The following SOX6 variants were observed in gnomAD, a reference collection of about 807,000 sequenced individuals.
SOX6 encodes the protein transcription factor SOX-6.
SOX6 carries 11 observed loss-of-function variants against 97.8 expected under a neutral mutation model. The observed-to-expected ratio is 0.11, with a 90% CI of 0.07 to 0.19. The LOEUF (loss-of-function observed/expected upper bound fraction) is 0.19. SOX6 is among the 10% of genes least tolerant of loss of function. SOX6 has a pLI of 1.00. For missense variants in SOX6, 810 were observed against 1,039.5 expected (o/e 0.78, Z 3.04); for synonymous variants, 360 against 371.4 (o/e 0.97, Z 0.35).
Position 16,033,302 on chromosome 11 carries a change from C to A in SOX6, c.1623+13212G>T, listed in dbSNP as rs180804842. Among the ~76,000 whole-genome samples the A allele has an allele frequency of 3.4e-3, 515 of 152,300 alleles. 4 individuals carry two copies. The highest frequency in any genetic ancestry group is 5.4e-3 in the Non-Finnish European group (367 of 68,026). ...CCACAACCTTATACAGTATGTTCAT[C>A]ATTTCCACCTCCCAAGTGAGTAAAC... On this transcript the variant is annotated intron_variant, in intron 12 of 15. Coordinates refer to ENST00000683767, the MANE Select transcript of SOX6 (RefSeq NM_001367873.1).
chr11:16,527,618 G>C (rs1422597589), intron 4 of SOX6, among the ~76,000 whole-genome samples: 1 of 152,054 alleles, frequency 6.6e-6, no homozygotes, highest in Non-Finnish European at 1.5e-5. Flanking sequence ...CATATAACCT[G>C]GCTAACAGAA....
At chr11:16,200,687 A>G (rs957542408) in intron 4 of SOX6, among the ~76,000 whole-genome samples, 3 of 152,148 alleles carry the variant, frequency 2.0e-5, no homozygotes, top group African/African-American at 7.2e-5. Context: ...CTACTTGATC[A>G]CCTTTTTGGC....
intron 4 of SOX6, among the ~76,000 whole-genome samples, chr11:16,515,372 T>A (rs200182538): frequency 1.1e-4 from 16 of 145,302 alleles, no homozygotes; most frequent in East Asian, 4.0e-4. Flanking sequence ...TTCATGTCCT[T>A]TGCCCACTTT....
intron 6 of SOX6, among the ~76,000 whole-genome samples, chr11:16,170,364 T>TA (rs879502500): frequency 0.012 from 1,785 of 143,656 alleles, 25 homozygotes; most frequent in African/African-American, 0.03. Flanking sequence ...TACTTAGTCT[T>TA]AAAAAAAAAA....
At chr11:16,413,512 C>CTTTTTTTTT (rs752774148) in intron 1 of SOX6, among the ~76,000 whole-genome samples, 1 of 76,226 alleles carries the variant, frequency 1.3e-5, no homozygotes, top group Admixed American at 1.6e-4. Flanking sequence ...AAGACTTCTA[C>CTTTTTTTTT]TTTTTTTTTT....
chr11:16,737,496 G>A (rs1029879370), intron 1 of SOX6, among the ~76,000 whole-genome samples: 1 of 150,942 alleles, frequency 6.6e-6, no homozygotes, highest in East Asian at 1.9e-4. Flanking sequence ...CTGAGCCATG[G>A]CGCCAGGCCT....
chr11:16,406,022 C>T (rs959966), intron 1 of SOX6, among the ~76,000 whole-genome samples: 151,410 of 152,128 alleles, frequency 1, 75,353 homozygotes, highest in Middle Eastern at 1. Context: ...ATTTTCTGCT[C>T]TATCTTTCTT....
At chr11:16,197,053 T>C (rs1056718932) in intron 4 of SOX6, among the ~76,000 whole-genome samples, 7 of 151,990 alleles carry the variant, frequency 4.6e-5, no homozygotes, top group Admixed American at 1.3e-4. Flanking sequence ...AGGCTGGTCT[T>C]GAACTCCTGA....
intron 3 of SOX6, among the ~76,000 whole-genome samples, chr11:16,632,148 G>C (rs943896557): frequency 1.3e-5 from 2 of 152,170 alleles, no homozygotes; most frequent in Non-Finnish European, 2.9e-5. Context: ...ATTACATTCA[G>C]ATTTTTCATG....
chr11:16,306,511 T>G (rs1053520432), intron 3 of SOX6, among the ~76,000 whole-genome samples: 12 of 152,030 alleles, frequency 7.9e-5, no homozygotes, highest in Non-Finnish European at 1.6e-4. Context: ...GGATAATGAC[T>G]AAGCTTGAAG....
intron 3 of SOX6, among the ~76,000 whole-genome samples, chr11:16,298,770 C>T (rs1217414979): frequency 6.6e-6 from 1 of 151,804 alleles, no homozygotes; most frequent in East Asian, 1.9e-4. Context: ...TCTTATTATT[C>T]GTTTTGGCAT....
intron 6 of SOX6, among the ~76,000 whole-genome samples, chr11:16,117,248 G>C (rs1205700537): frequency 6.6e-6 from 1 of 152,264 alleles, no homozygotes; most frequent in East Asian, 1.9e-4. Flanking sequence ...AGCTGCTCGG[G>C]AGGCTGAGGC....
intron 9 of SOX6, among the ~76,000 whole-genome samples, chr11:16,065,019 C>G (rs1004193125): frequency 1.3e-5 from 2 of 151,700 alleles, no homozygotes; most frequent in South Asian, 4.2e-4. Flanking sequence ...CTAGCTAGAG[C>G]AATCAGACAA....
At chr11:16,231,331 T>C (rs2134171355) in intron 4 of SOX6, among the ~76,000 whole-genome samples, 1 of 151,842 alleles carries the variant, frequency 6.6e-6, no homozygotes, top group South Asian at 2.1e-4. Flanking sequence ...GCAACCAACA[T>C]ACATATGCAG....
intron 7 of SOX6, among the ~76,000 whole-genome samples, chr11:16,105,131 AT>A (rs1389765605): frequency 6.6e-6 from 1 of 152,092 alleles, no homozygotes; most frequent in Non-Finnish European, 1.5e-5. Context: ...AAATATAGAT[AT>A]AAAAATCTTC....
intron 3 of SOX6, among the ~76,000 whole-genome samples, chr11:16,648,343 G>C (rs780164386): frequency 6.6e-6 from 1 of 151,914 alleles, no homozygotes; most frequent in South Asian, 2.1e-4. Context: ...GCCATGGCAG[G>C]CCCCACCCAA....
intron 15 of SOX6, among the ~76,000 whole-genome samples, chr11:15,978,840 G>T (rs1262351436): frequency 7.9e-6 from 1 of 127,032 alleles, no homozygotes. Context: ...TAACATATCA[G>T]CATTATATAT....
intron 13 of SOX6, among the ~76,000 whole-genome samples, chr11:15,990,778 T>G (rs752583626): frequency 2.6e-5 from 4 of 152,192 alleles, no homozygotes; most frequent in Admixed American, 2.0e-4. Flanking sequence ...CCCAGAAGTT[T>G]AGAAGCAAAA....
chr11:16,499,327 A>C (rs938981732), intron 4 of SOX6, among the ~76,000 whole-genome samples: 1 of 152,354 alleles, frequency 6.6e-6, no homozygotes, highest in Admixed American at 6.5e-5. Flanking sequence ...AGGGAAATTT[A>C]TAGCACTAAA....
Sources: allele counts gnomAD v4.1 joint callset (sites outside exome capture counted in the v4.1 genomes callset), GRCh38; gene constraint gnomAD v4.1.1; transcripts MANE v1.5; gene names NCBI Gene and HGNC (gene_info 2026-07-23, HGNC 2026-07-21).